Variants in LRRK2 observed in about 807,000 individuals in gnomAD.
LRRK2 encodes the protein leucine-rich repeat serine/threonine-protein kinase 2.
Under a neutral mutation model 302.6 loss-of-function variants are expected in LRRK2, and 203 were observed. That is an observed-to-expected ratio of 0.67 (90% CI 0.60 to 0.75). The LOEUF (loss-of-function observed/expected upper bound fraction) is 0.75, where lower values mean the gene tolerates loss of function less well. LRRK2 is among the 30% of genes least tolerant of loss of function. The probability of loss-of-function intolerance (pLI) is 0.00; values close to 1 mark genes in which losing one functional copy is unlikely to be tolerated. For synonymous variants in LRRK2, 1,066 were observed against 1,031.9 expected (o/e 1.03, Z -0.63); for missense variants, 2,830 against 2,951.0 (o/e 0.96, Z 0.95).
Position 40,369,128 on chromosome 12 carries a change from A to G in LRRK2, c.*1363A>G, listed in dbSNP as rs1260936912. 1 of 151,894 alleles carries G rather than the reference A, an allele frequency of 6.6e-6. No individual in the cohort carries two copies. The highest frequency in any genetic ancestry group is 1.5e-5 in the Non-Finnish European group (1 of 67,806). The allele number at this position is 151,894 out of a possible 1,614,324, so 9.4% of individuals were successfully genotyped here. ...AAAGGAAGCTATGCTTTAACTTGTT[A>G]TGTAATTAACAAAAAAATCATATAT... On this transcript the variant is annotated 3_prime_UTR_variant, in exon 51 of 51. Transcript: ENST00000298910.
At chr12:40,240,709 T>C in intron 6 of LRRK2, 92 bp downstream of exon 6, 2 of 1,263,804 alleles carry the variant, frequency 1.6e-6, no homozygotes, top group Non-Finnish European at 2.2e-6. Flanking sequence ...TTTTATTATT[T>C]AGAAACTTGT....
chr12:40,276,522 C>T (rs1943460324), intron 16 of LRRK2, among the ~76,000 whole-genome samples: 1 of 152,334 alleles, frequency 6.6e-6, no homozygotes, highest in Admixed American at 6.5e-5. Flanking sequence ...TCTCAAACTC[C>T]TGACCTCAAG....
chr12:40,355,244 G>A (rs976206226), intron 45 of LRRK2, among the ~76,000 whole-genome samples: 3 of 152,168 alleles, frequency 2.0e-5, no homozygotes, highest in African/African-American at 4.8e-5. Flanking sequence ...AATTTCAATG[G>A]ATGGAATTGG....
chr12:40,343,070 G>T (rs774738586), intron 41 of LRRK2, among the ~76,000 whole-genome samples: 6 of 152,142 alleles, frequency 3.9e-5, no homozygotes, highest in Non-Finnish European at 5.9e-5. Context: ...AAAACTGTAG[G>T]ACAAAATGCA....
chr12:40,304,195 A>G (rs772212092), intron 27 of LRRK2, 61 bp downstream of exon 27: 6 of 1,527,870 alleles, frequency 3.9e-6, no homozygotes, highest in Non-Finnish European at 5.4e-6. Context: ...ACAAATTATC[A>G]TTTTAAGTGA....
intron 2 of LRRK2, chr12:40,227,785 T>C (rs1258069871): frequency 6.6e-6 from 1 of 152,234 alleles, no homozygotes; most frequent in Non-Finnish European, 1.5e-5. Context: ...AGGCCTGCAA[T>C]CCTGGGCTGA....
At chr12:40,319,424 G>T (rs1358505278) in intron 33 of LRRK2, among the ~76,000 whole-genome samples, 4 of 151,878 alleles carry the variant, frequency 2.6e-5, no homozygotes, top group Non-Finnish European at 5.9e-5. Flanking sequence ...AAACATCGGG[G>T]TTGCTCTTTA....
chr12:40,258,638 G>A (rs572427137), intron 12 of LRRK2, among the ~76,000 whole-genome samples: 1 of 152,272 alleles, frequency 6.6e-6, no homozygotes, highest in East Asian at 1.9e-4. Flanking sequence ...AGACTGATAA[G>A]TAAACAGATT....
In LRRK2 at chr12:40,308,760, A is replaced by G. The variant is rs550008846; in HGVS notation, c.4189+64A>G. The G allele has an allele frequency of 2.8e-5, 40 of 1,451,026 alleles. No homozygotes were observed. The South Asian group carries it at 4.0e-4, about 15-fold the overall frequency. The allele number at this position is 1,451,026 out of a possible 1,614,324, so 89.9% of individuals were successfully genotyped here. On this transcript the variant is annotated intron_variant, in intron 29 of 50. Transcript: ENST00000298910. Reference sequence around the variant, plus strand: ...ATTTGTTTGGAACAGGGATTCAAAAACTGAGCTTTCTGTTCTAATATCCAG... The same window carrying G: ...ATTTGTTTGGAACAGGGATTCAAAAGCTGAGCTTTCTGTTCTAATATCCAG...
Position 40,252,900 on chromosome 12 carries a change from T to G in LRRK2, c.1182-10T>G. 1 of 1,596,614 alleles carries G rather than the reference T, an allele frequency of 6.3e-7. No homozygotes were observed. On this transcript the variant is annotated splice_polypyrimidine_tract_variant and intron_variant, in intron 10 of 50. Coordinates refer to ENST00000298910, the MANE Select transcript of LRRK2 (RefSeq NM_198578.4). ...GATTACTACTAACATTTTGTTTGAA[T>G]TTTTGAAAGTTTCCCAGCTCATAGG... is the stretch of plus-strand genomic sequence containing the variant.
intron 41 of LRRK2, among the ~76,000 whole-genome samples, chr12:40,345,415 G>T (rs1946161356): frequency 6.6e-6 from 1 of 151,744 alleles, no homozygotes; most frequent in Non-Finnish European, 1.5e-5. Flanking sequence ...TTGAGGTCAG[G>T]AGTTCAAGAC....
At chr12:40,240,674 C>T (rs28365215) in intron 6 of LRRK2, 57 bp downstream of exon 6, 1 of 1,460,192 alleles carries the variant, frequency 6.8e-7, no homozygotes. Context: ...CAATATATCT[C>T]ATTCTGAGTA....
chr12:40,300,557 C>A (rs1219134266), intron 25 of LRRK2, among the ~76,000 whole-genome samples: 2 of 152,116 alleles, frequency 1.3e-5, no homozygotes, highest in East Asian at 3.9e-4. Context: ...TAATAATGAT[C>A]AAAGCCATCT....
chr12:40,302,877 T>C lies in LRRK2; in HGVS notation c.3585T>C (p.Leu1195=). 1 of 1,556,828 alleles carries C rather than the reference T, an allele frequency of 6.4e-7. No homozygotes were observed. Among genetic ancestry groups the C allele is most frequent in the Non-Finnish European group, 8.9e-7 (1 of 1,128,406 alleles). Reference sequence around the variant, plus strand: ...GTATTCCAGAAGCAATTTTAAATCTTCCACAGTAAGTTTATTGTTATTTTA... The same window carrying C: ...GTATTCCAGAAGCAATTTTAAATCTCCCACAGTAAGTTTATTGTTATTTTA... ...FSCIPEAILN[L]PHLRSLDMSS... is the part of the protein sequence containing the mutation. Residue 1195 remains leucine, a synonymous_variant, in exon 26 of 51, where the codon CTT becomes CTC. Coordinates refer to ENST00000298910, the MANE Select transcript of LRRK2 (RefSeq NM_198578.4).
chr12:40,259,593 T>C lies in LRRK2; in HGVS notation c.1532T>C (p.Phe511Ser). The C allele has an allele frequency of 6.2e-7, 1 of 1,612,734 alleles. No homozygotes were observed. Among genetic ancestry groups the C allele is most frequent in the African/African-American group, 1.3e-5 (1 of 74,900 alleles). ...GAGGCGCTTCGAGCTATTTTACATT[T>C]TATAGTGCCTGGTAAGTTACATAGT... is the stretch of plus-strand genomic sequence containing the variant. ...QLEALRAILHFIVPGMPEESR... is the reference protein window; with the variant it reads ...QLEALRAILHSIVPGMPEESR... The change falls in exon 13 of 51, where the codon TTT (phenylalanine) becomes TCT (serine). Residue 511 changes from phenylalanine (F) to serine (S), a missense_variant. Phe to Ser is a radical substitution (Grantham distance 155). Coordinates refer to ENST00000298910, the MANE Select transcript of LRRK2 (RefSeq NM_198578.4).
intron 47 of LRRK2, 90 bp downstream of exon 47, chr12:40,359,534 G>A: frequency 2.9e-6 from 3 of 1,045,376 alleles, no homozygotes; most frequent in Non-Finnish European, 4.2e-6. Context: ...TAATTCATAA[G>A]GAAGATCTTT....
chr12:40,364,096 G>C (rs1286150564), intron 48 of LRRK2, among the ~76,000 whole-genome samples: 1 of 151,774 alleles, frequency 6.6e-6, no homozygotes, highest in Non-Finnish European at 1.5e-5. Flanking sequence ...CTGAGAAACA[G>C]GACCATTTTC....
intron 2 of LRRK2, among the ~76,000 whole-genome samples, chr12:40,230,803 A>G (rs1941143354): frequency 6.6e-6 from 1 of 152,006 alleles, no homozygotes; most frequent in East Asian, 1.9e-4. Context: ...GTTTGAAATC[A>G]GGACTTTCAA....
intron 42 of LRRK2, 53 bp from the exon 43 acceptor site, chr12:40,348,356 A>G: frequency 8.1e-7 from 1 of 1,229,698 alleles, no homozygotes; most frequent in Non-Finnish European, 1.2e-6. Flanking sequence ...GAGAGGAAAT[A>G]TAACCATTCT....
Sources: gnomAD v4.1 joint callset for allele counts (sites outside exome capture counted in the v4.1 genomes callset) on GRCh38, gnomAD v4.1.1 for gene constraint, MANE v1.5 for transcripts, NCBI Gene and HGNC (gene_info 2026-07-23, HGNC 2026-07-21) for gene names.